Variants in NDRG3 observed in about 807,000 individuals in gnomAD.
The protein encoded by NDRG3 is protein NDRG3.
NDRG3 carries 23 observed loss-of-function variants against 57.2 expected under a neutral mutation model. The ratio of observed to expected loss-of-function variants is 0.40; its 90% CI spans 0.29 to 0.57. The LOEUF (loss-of-function observed/expected upper bound fraction) is 0.57, where lower values mean the gene tolerates loss of function less well. Among genes scored for constraint, NDRG3 ranks in the 20% least tolerant of loss-of-function variants. NDRG3 has a pLI of 0.42. For synonymous variants in NDRG3, 132 were observed against 162.6 expected (o/e 0.81, Z 1.43); for missense variants, 384 against 457.3 (o/e 0.84, Z 1.46).
intron 1 of NDRG3, among the ~76,000 whole-genome samples, chr20:36,728,320 G>A (rs890521977): frequency 2.6e-5 from 4 of 152,186 alleles, no homozygotes; most frequent in Non-Finnish European, 4.4e-5. Flanking sequence ...CCAAAGTGCT[G>A]GGATTACAGG....
At chr20:36,655,110 T>C (rs141027981) in intron 15 of NDRG3, among the ~76,000 whole-genome samples, 6 of 152,302 alleles carry the variant, frequency 3.9e-5, no homozygotes, top group East Asian at 1.9e-4. Context: ...AGCTATTTCA[T>C]AGGAAAAGGA....
chr20:36,725,819 GA>G (rs1429116867), intron 1 of NDRG3, among the ~76,000 whole-genome samples: 2 of 151,724 alleles, frequency 1.3e-5, no homozygotes, highest in African/African-American at 4.8e-5. Flanking sequence ...TGCACTTCAA[GA>G]TGGGAATTAT....
chr20:36,687,480 T>G lies in NDRG3; in HGVS notation c.320+12A>C. The G allele has an allele frequency of 6.2e-7, 1 of 1,611,700 alleles. No individual in the cohort carries two copies. Among genetic ancestry groups the G allele is most frequent in the Non-Finnish European group, 8.5e-7 (1 of 1,179,376 alleles). On this transcript the variant is annotated intron_variant, in intron 5 of 15. Transcript: ENST00000349004. ...AGTGCACGTCTCCCAGATGATCTTT[T>G]CGTGGCCTTACCCTGTTGGGAAAGA...
chr20:36,744,967 AGGG>A (rs34122149), intron 1 of NDRG3, among the ~76,000 whole-genome samples: 17 of 65,382 alleles, frequency 2.6e-4, no homozygotes, highest in African/African-American at 8.2e-4. Context: ...GGCCAGGGTA[AGGG>A]GGGGGGGGGG....
At chr20:36,728,420 A>C (rs1199462322) in intron 1 of NDRG3, among the ~76,000 whole-genome samples, 1 of 152,200 alleles carries the variant, frequency 6.6e-6, no homozygotes, top group Non-Finnish European at 1.5e-5. Context: ...AAAATCTGAA[A>C]TCCAAAATGC....
chr20:36,676,006 T>C (rs1600877626), intron 8 of NDRG3, among the ~76,000 whole-genome samples: 1 of 152,054 alleles, frequency 6.6e-6, no homozygotes, highest in African/African-American at 2.4e-5. Flanking sequence ...TTTGGGAGGC[T>C]GAGGCGGGCG....
chr20:36,676,651 C>T (rs149412306), intron 8 of NDRG3, among the ~76,000 whole-genome samples: 182 of 152,276 alleles, frequency 1.2e-3, no homozygotes, highest in African/African-American at 3.6e-3. Flanking sequence ...TTAGTAGAAA[C>T]GGGGTTTCGC....
intron 7 of NDRG3, among the ~76,000 whole-genome samples, chr20:36,681,977 C>T (rs970470610): frequency 1.3e-5 from 2 of 152,240 alleles, no homozygotes; most frequent in African/African-American, 2.4e-5. Flanking sequence ...GGATCACAGG[C>T]GTGAGCCACC....
chr20:36,742,099 G>T (rs1300476484), intron 1 of NDRG3, among the ~76,000 whole-genome samples: 1 of 152,074 alleles, frequency 6.6e-6, no homozygotes, highest in Non-Finnish European at 1.5e-5. Flanking sequence ...ATCTCATACT[G>T]ATCCTTCTTG....
chr20:36,739,895 G>A (rs1239612729), intron 1 of NDRG3, among the ~76,000 whole-genome samples: 2 of 137,744 alleles, frequency 1.5e-5, no homozygotes, highest in African/African-American at 2.8e-5. Context: ...GGGTGACAGA[G>A]CGAGACTCCG....
At chr20:36,725,071 G>A (rs1005630311) in intron 1 of NDRG3, among the ~76,000 whole-genome samples, 5 of 151,998 alleles carry the variant, frequency 3.3e-5, no homozygotes, top group African/African-American at 1.2e-4. Context: ...CGAGGCAGGT[G>A]GATCATTTGA....
chr20:36,690,188 G>C (rs947242323), intron 3 of NDRG3, among the ~76,000 whole-genome samples: 11 of 152,210 alleles, frequency 7.2e-5, no homozygotes, highest in African/African-American at 2.4e-4. Flanking sequence ...AAGCTATATT[G>C]GGTGAGTTTG....
chr20:36,680,252 C>T (rs1000641142), intron 8 of NDRG3, among the ~76,000 whole-genome samples: 20 of 151,436 alleles, frequency 1.3e-4, no homozygotes, highest in African/African-American at 3.9e-4. Context: ...TTTGGGAGGC[C>T]GAGGCGGGTG....
rs763800677 is a variant in NDRG3, at chr20:36,719,200, G to A, written c.57+2479C>T. 9.2e-5 allele frequency among the ~76,000 whole-genome samples: 14 copies of A among 151,898 alleles called. No homozygotes were observed. The East Asian group carries it at 1.5e-3, about 17-fold the overall frequency. ...TCCCAGCACTTTTGGAGGCCGAGGCGGGTGGATCAAGAGGTCAAGAGATCG... is the reference window on the plus strand; with the variant it reads ...TCCCAGCACTTTTGGAGGCCGAGGCAGGTGGATCAAGAGGTCAAGAGATCG... On this transcript the variant is annotated intron_variant, in intron 2 of 15. Transcript: ENST00000349004.
In NDRG3 at chr20:36,688,790, A is replaced by G. The variant is rs997571306; in HGVS notation, c.94-6T>C. On this transcript the variant is annotated splice_polypyrimidine_tract_variant and splice_region_variant and intron_variant, in intron 3 of 15. Coordinates refer to ENST00000349004, the MANE Select transcript of NDRG3 (RefSeq NM_032013.4). ...GTTGTTTCTATATCATGTTCCTGTAACAAGAGAATGTAAGTTCTCAGAAAA... is the reference window on the plus strand; with the variant it reads ...GTTGTTTCTATATCATGTTCCTGTAGCAAGAGAATGTAAGTTCTCAGAAAA... The G allele has an allele frequency of 1.2e-6, 2 of 1,605,210 alleles. No homozygotes were observed. The highest frequency in any genetic ancestry group is 1.7e-6 in the Non-Finnish European group (2 of 1,171,904).
At chr20:36,659,363 A>G (rs954724145) in intron 13 of NDRG3, among the ~76,000 whole-genome samples, 7 of 152,072 alleles carry the variant, frequency 4.6e-5, no homozygotes, top group Admixed American at 4.6e-4. Context: ...CCTGGACTCA[A>G]GTGATCCGCC....
chr20:36,665,458 C>T (rs555316402), intron 10 of NDRG3, among the ~76,000 whole-genome samples, 157 bp from the exon 11 acceptor site: 7 of 152,206 alleles, frequency 4.6e-5, no homozygotes, highest in South Asian at 2.1e-4. Flanking sequence ...GTTCTTGAGT[C>T]GCCATTTCAG....
rs1332796828 is a variant in NDRG3, at chr20:36,675,392, T to G, written c.532-3995A>C. On this transcript the variant is annotated intron_variant, in intron 8 of 15. Transcript: ENST00000349004. ...GGCTACTTTTTAAGTTGTTTTTTTT[T>G]GGGGGGTGGGGGGGATGGAGTTTTG... is the stretch of plus-strand genomic sequence containing the variant. 1.6e-3 allele frequency among the ~76,000 whole-genome samples: 77 copies of G among 48,130 alleles called. 1 individual carries two copies. The highest frequency in any genetic ancestry group is 0.013 in the East Asian group (18 of 1,378). The allele number at this position is 48,130 out of a possible 152,430, so 31.6% of individuals were successfully genotyped here.
chr20:36,733,164 AAAAAAAAATATATATATAT>A (rs1287025097), intron 1 of NDRG3, among the ~76,000 whole-genome samples: 6 of 51,414 alleles, frequency 1.2e-4, no homozygotes, highest in African/African-American at 5.2e-4. Context: ...AAAAAAAAAA[AAAAAAAAATATATATATAT>A]ATATATATAT....
Sources: gnomAD v4.1 joint callset for allele counts (sites outside exome capture counted in the v4.1 genomes callset) on GRCh38, gnomAD v4.1.1 for gene constraint, MANE v1.5 for transcripts, NCBI Gene and HGNC (gene_info 2026-07-23, HGNC 2026-07-21) for gene names.